The following SLC14A2 variants were observed in gnomAD, a reference collection of about 807,000 sequenced individuals.
SLC14A2 encodes solute carrier family 14 member 2, also known as urea transporter 2.
In SLC14A2, 91 loss-of-function variants were observed where a neutral mutation model predicts 104.6. The ratio of observed to expected loss-of-function variants is 0.87; its 90% confidence interval spans 0.73 to 1.04. The LOEUF is 1.04. Ranked by LOEUF, SLC14A2 falls within the 50% of genes least tolerant of loss-of-function variation. SLC14A2 has a pLI of 0.00. For missense variants in SLC14A2, 1,189 were observed against 1,156.0 expected (o/e 1.03, Z -0.41); for synonymous variants, 476 against 466.4 (o/e 1.02, Z -0.27).
the SLC14A2 span, among the ~76,000 whole-genome samples, chr18:45,186,803 A>G: frequency 6.6e-6 from 1 of 152,196 alleles, no homozygotes; most frequent in Non-Finnish European, 1.5e-5. Context: ...CTGTGAGAGG[A>G]AGAAACTCCC....
At chr18:45,496,792 A>G (rs2043106096) in intron 2 of SLC14A2, among the ~76,000 whole-genome samples, 1 of 152,100 alleles carries the variant, frequency 6.6e-6, no homozygotes, top group African/African-American at 2.4e-5. Flanking sequence ...TCAAAAAAAA[A>G]TGGAAGGTGA....
intron 1 of SLC14A2, among the ~76,000 whole-genome samples, chr18:45,402,939 G>C (rs1311100173): frequency 6.6e-6 from 1 of 152,208 alleles, no homozygotes; most frequent in Non-Finnish European, 1.5e-5. Flanking sequence ...ACTTCCAGTT[G>C]TTAAATACCA....
At chr18:45,627,737 G>A (rs913773907) in intron 4 of SLC14A2, among the ~76,000 whole-genome samples, 4 of 152,096 alleles carry the variant, frequency 2.6e-5, no homozygotes, top group South Asian at 2.1e-4. Context: ...GGCCAGGCAC[G>A]GTGGCTCACG....
chr18:45,472,576 T>C (rs886390822), intron 1 of SLC14A2, among the ~76,000 whole-genome samples: 1 of 152,204 alleles, frequency 6.6e-6, no homozygotes, highest in African/African-American at 2.4e-5. Context: ...TTCTAACTGG[T>C]GTGAGATGGT....
intron 1 of SLC14A2, among the ~76,000 whole-genome samples, chr18:45,217,837 A>G (rs1348355948): frequency 3.3e-5 from 5 of 152,154 alleles, no homozygotes; most frequent in African/African-American, 1.2e-4. Flanking sequence ...TTCCATTTCA[A>G]AGCTGCTGTG....
chr18:45,245,829 T>C (rs2084363038), intron 1 of SLC14A2, among the ~76,000 whole-genome samples: 1 of 152,258 alleles, frequency 6.6e-6, no homozygotes, highest in Non-Finnish European at 1.5e-5. Flanking sequence ...TATTGAGTTC[T>C]GTTGAACACC....
intron 2 of SLC14A2, among the ~76,000 whole-genome samples, chr18:45,500,503 G>A (rs1306749746): frequency 1.1e-4 from 17 of 151,366 alleles, no homozygotes; most frequent in Non-Finnish European, 1.8e-4. Context: ...CGTGAACCCG[G>A]GAGGCGGAGC....
chr18:45,613,451 C>T (rs116185885), upstream of SLC14A2, among the ~76,000 whole-genome samples: 390 of 152,242 alleles, frequency 2.6e-3, 4 homozygotes, highest in African/African-American at 9.0e-3. Flanking sequence ...GAGGTTGGAA[C>T]AGTTTGGAGA....
At chr18:45,487,488 G>A (rs2087630080) in intron 2 of SLC14A2, among the ~76,000 whole-genome samples, 1 of 152,162 alleles carries the variant, frequency 6.6e-6, no homozygotes, top group Non-Finnish European at 1.5e-5. Context: ...GTAGAGATGG[G>A]CATTATTCTG....
chr18:45,501,069 T>C (rs2043190168), intron 2 of SLC14A2, among the ~76,000 whole-genome samples: 1 of 152,208 alleles, frequency 6.6e-6, no homozygotes. Context: ...TATTATTTCA[T>C]TCAGTTCACT....
chr18:45,656,752 T>C (rs901554087), intron 10 of SLC14A2, among the ~76,000 whole-genome samples: 5 of 152,216 alleles, frequency 3.3e-5, no homozygotes, highest in Non-Finnish European at 5.9e-5. Context: ...CATCAACTTA[T>C]TTATGCTAAT....
chr18:45,641,386 TC>T, intron 8 of SLC14A2, 43 bp downstream of exon 8: 1 of 1,610,522 alleles, frequency 6.2e-7, no homozygotes, highest in South Asian at 1.1e-5. Context: ...TTCTGGCTAT[TC>T]CTTCCCCCCT....
At chr18:45,346,451 C>T (rs559117987) in intron 1 of SLC14A2, among the ~76,000 whole-genome samples, 123 of 152,284 alleles carry the variant, frequency 8.1e-4, no homozygotes, top group Middle Eastern at 6.8e-3. Flanking sequence ...GCCACCATGC[C>T]TGGTCCCTGG....
chr18:45,357,106 A>G (rs146881090), intron 1 of SLC14A2, among the ~76,000 whole-genome samples: 75 of 152,264 alleles, frequency 4.9e-4, no homozygotes, highest in African/African-American at 1.7e-3. Context: ...GTCTGTAGCT[A>G]TGAGGAGAGA....
chr18:45,182,555 C>T, the SLC14A2 span, among the ~76,000 whole-genome samples: 1 of 151,710 alleles, frequency 6.6e-6, no homozygotes, highest in Non-Finnish European at 1.5e-5. Flanking sequence ...CTTTAAAACT[C>T]CTAAGGCCAA....
intron 1 of SLC14A2, among the ~76,000 whole-genome samples, chr18:45,434,531 A>G (rs1204481110): frequency 2.0e-5 from 3 of 152,202 alleles, no homozygotes; most frequent in Admixed American, 6.5e-5. Flanking sequence ...ACTGTTATGC[A>G]CATGTGGATA....
At chr18:45,426,082 A>G (rs1005823602) in intron 1 of SLC14A2, among the ~76,000 whole-genome samples, 1 of 152,014 alleles carries the variant, frequency 6.6e-6, no homozygotes, top group Admixed American at 6.6e-5. Flanking sequence ...AAGTGAGCCA[A>G]CCCAACTCTC....
chr18:45,478,732 G>A (rs2087433432), intron 1 of SLC14A2, among the ~76,000 whole-genome samples: 1 of 151,924 alleles, frequency 6.6e-6, no homozygotes, highest in South Asian at 2.1e-4. Context: ...ACAAGGTTGT[G>A]TGTGTGGATA....
chr18:45,518,022 C>CATA (rs747822440), intron 2 of SLC14A2, among the ~76,000 whole-genome samples: 31 of 151,180 alleles, frequency 2.1e-4, no homozygotes, highest in Admixed American at 9.8e-4. Context: ...ATCTTAACTC[C>CATA]ATAATAATAA....
Sources: allele counts gnomAD v4.1 joint callset (sites outside exome capture counted in the v4.1 genomes callset), GRCh38; gene constraint gnomAD v4.1.1; transcripts MANE v1.5; gene names NCBI Gene and HGNC (gene_info 2026-07-23, HGNC 2026-07-21).